Variants in ZSCAN5B observed in about 807,000 individuals in gnomAD.
ZSCAN5B encodes the protein zinc finger and SCAN domain containing 5B.
ZSCAN5B carries 26 observed loss-of-function variants against 25.2 expected under a neutral mutation model. The ratio of observed to expected loss-of-function variants is 1.03; its 90% CI spans 0.76 to 1.43. The LOEUF is 1.43. Among genes scored for constraint, ZSCAN5B ranks in the 40% most tolerant of loss-of-function variants. The pLI is 0.00. For synonymous variants in ZSCAN5B, 244 were observed against 240.9 expected (o/e 1.01, Z -0.12); for missense variants, 745 against 622.1 (o/e 1.20, Z -2.10).
chr19:56,189,702 A>G, exon 5 of ZSCAN5B: 2 of 1,182,396 alleles, frequency 1.7e-6, no homozygotes, highest in South Asian at 1.8e-5. Context: ...GGGAGGATAA[A>G]TATTTATTCA....
chr19:56,194,494 C>T (rs567085202), intron 1 of ZSCAN5B, among the ~76,000 whole-genome samples: 42 of 152,288 alleles, frequency 2.8e-4, no homozygotes, highest in Middle Eastern at 3.4e-3. Flanking sequence ...TGGGGTTTCG[C>T]CATGTTGCCC....
Position 56,197,177 on chromosome 19 carries a change from C to CT in ZSCAN5B, c.-128+556dup, listed in dbSNP as rs112058807. 8.3e-3 allele frequency among the ~76,000 whole-genome samples: 1,206 copies of CT among 144,582 alleles called. 13 individuals carry two copies. Among genetic ancestry groups the CT allele is most frequent in the South Asian group, 0.028 (129 of 4,548 alleles). The allele number at this position is 144,582 out of a possible 152,430, so 94.9% of individuals were successfully genotyped here. ...TTAACATTATTACTTTATTTTTCTC[C>CT]TTTTTTTTTTTTTGAGACGGAGTTT... is the stretch of plus-strand genomic sequence containing the variant. On this transcript the variant is annotated intron_variant, in intron 1 of 4. Transcript: ENST00000586855.
exon 2 of ZSCAN5B, chr19:56,193,176 A>C (rs1176112889): frequency 3.3e-6 from 4 of 1,200,574 alleles, no homozygotes; most frequent in Non-Finnish European, 4.5e-6. Context: ...GTTTGTTCAG[A>C]AGTCTGCAGG....
intron 2 of ZSCAN5B, 106 bp from the exon 3 acceptor site, chr19:56,192,159 A>C (rs1461720712): frequency 2.8e-6 from 3 of 1,089,814 alleles, no homozygotes; most frequent in Non-Finnish European, 2.6e-6. Context: ...TTAATGTTCA[A>C]ATCTACCTTC....
exon 2 of ZSCAN5B, chr19:56,193,011 G>C (rs372790304): frequency 8.8e-6 from 14 of 1,597,932 alleles, no homozygotes; most frequent in African/African-American, 1.3e-5. Context: ...GGCTGTTGCA[G>C]GGTCCTCCCT....
intron 4 of ZSCAN5B, 69 bp downstream of exon 4, chr19:56,190,768 G>A: frequency 6.4e-7 from 1 of 1,562,514 alleles, no homozygotes; most frequent in East Asian, 2.2e-5. Context: ...GGATGATAAT[G>A]CTGGGCCCCC....
intron 1 of ZSCAN5B, among the ~76,000 whole-genome samples, chr19:56,195,520 C>T: frequency 6.6e-6 from 1 of 151,624 alleles, no homozygotes. Context: ...GGGTCCTCTG[C>T]GCCCTGTGCT....
In ZSCAN5B at chr19:56,196,239, A is replaced by T. The variant is rs74766201; in HGVS notation, c.-128+1495T>A. Among the ~76,000 whole-genome samples the T allele has an allele frequency of 2.0e-3, 308 of 152,084 alleles. 5 individuals carry two copies. Among genetic ancestry groups the T allele is most frequent in the East Asian group, 8.7e-3 (45 of 5,162 alleles). Reference sequence around the variant, plus strand: ...GCTAAATTTTGTATTTTTAGTAGAGATGGGGTCTCGCCATGTAGGCCAGGC... The same window carrying T: ...GCTAAATTTTGTATTTTTAGTAGAGTTGGGGTCTCGCCATGTAGGCCAGGC... On this transcript the variant is annotated intron_variant, in intron 1 of 4. Transcript: ENST00000586855.
At chr19:56,194,598 C>G (rs2032783352) in intron 1 of ZSCAN5B, among the ~76,000 whole-genome samples, 1 of 152,056 alleles carries the variant, frequency 6.6e-6, no homozygotes. Context: ...AGCTGGCCTA[C>G]ATTTTTAAAA....
chr19:56,194,419 T>C (rs375180794), intron 1 of ZSCAN5B, among the ~76,000 whole-genome samples: 1 of 152,062 alleles, frequency 6.6e-6, no homozygotes, highest in Non-Finnish European at 1.5e-5. Context: ...GCTTCCCAAG[T>C]AGCTGGGACT....
At chr19:56,192,324 T>C (rs189925888) in intron 2 of ZSCAN5B, among the ~76,000 whole-genome samples, 2 of 152,200 alleles carry the variant, frequency 1.3e-5, no homozygotes, top group Admixed American at 6.5e-5. Context: ...AATTGGCCAA[T>C]GGCAGCTCAC....
At chr19:56,191,900 G>T (rs776469184) in exon 3 of ZSCAN5B, 4 of 1,613,956 alleles carry the variant, frequency 2.5e-6, no homozygotes, top group Non-Finnish European at 3.4e-6. Flanking sequence ...TGCTCTCGGC[G>T]GGCCTGGCCT....
chr19:56,192,530 G>A, intron 2 of ZSCAN5B, 139 bp downstream of exon 2: 1 of 1,420,228 alleles, frequency 7.0e-7, no homozygotes, highest in Non-Finnish European at 9.5e-7. Context: ...CAGTGTGTGG[G>A]TTCCTGTATC....
Position 56,189,898 on chromosome 19 carries a change from G to A in ZSCAN5B, c.1417C>T (p.Gln473Ter), listed in dbSNP as rs561532194. 1.2e-6 allele frequency: 2 copies of A among 1,614,014 alleles called. No homozygotes were observed. Among genetic ancestry groups the A allele is most frequent in the African/African-American group, 2.7e-5 (2 of 75,034 alleles). ...GTCCCCAGCTGACGGAAGGCCTTTT[G>A]ACAGGTGGGACATTTGTAGGGCTTC... Residue 473 changes from glutamine (Q) to a stop codon, truncating the protein, a stop_gained, in exon 5 of 5, where the codon CAA becomes TAA. Transcript: ENST00000586855. LOFTEE classifies it low-confidence loss of function (END_TRUNC).
chr19:56,195,152 T>C (rs1036068412), intron 1 of ZSCAN5B, among the ~76,000 whole-genome samples: 24 of 152,144 alleles, frequency 1.6e-4, no homozygotes, highest in Non-Finnish European at 3.1e-4. Context: ...GGAAGGACTC[T>C]GAGCAAGTGC....
intron 1 of ZSCAN5B, among the ~76,000 whole-genome samples, chr19:56,193,790 G>A (rs1249437219): frequency 9.9e-5 from 15 of 151,926 alleles, no homozygotes; most frequent in Non-Finnish European, 2.1e-4. Context: ...GTGAAACCCC[G>A]TCTCTACTAA....
At chr19:56,190,079 C>T (rs771771953) in exon 5 of ZSCAN5B, 1 of 1,613,986 alleles carries the variant, frequency 6.2e-7, no homozygotes, top group Non-Finnish European at 8.5e-7. Flanking sequence ...AGACGTCACA[C>T]ATGTAGGGCC....
At chr19:56,192,001 TCGA>T in exon 3 of ZSCAN5B, 1 of 1,613,914 alleles carries the variant, frequency 6.2e-7, no homozygotes, top group South Asian at 1.1e-5. Flanking sequence ...TTCAGCCATC[TCGA>T]CATCTGAGTT....
intron 1 of ZSCAN5B, among the ~76,000 whole-genome samples, chr19:56,194,017 C>T (rs998017452): frequency 6.6e-5 from 10 of 151,760 alleles, no homozygotes; most frequent in Non-Finnish European, 1.3e-4. Flanking sequence ...GTGGTTGTTT[C>T]GGTAAAACAC....
Sources: allele counts gnomAD v4.1 joint callset (sites outside exome capture counted in the v4.1 genomes callset), GRCh38; gene constraint gnomAD v4.1.1; transcripts MANE v1.5; gene names NCBI Gene and HGNC (gene_info 2026-07-23, HGNC 2026-07-21).